Variants in ST7 observed in about 807,000 individuals in gnomAD.
The protein encoded by ST7 is suppressor of tumorigenicity 7 protein.
Under a neutral mutation model 78.7 loss-of-function variants are expected in ST7, and 28 were observed. The observed-to-expected ratio is 0.36, with a 90% CI of 0.26 to 0.49. ST7 has a LOEUF of 0.49. Among genes scored for constraint, ST7 ranks in the 20% least tolerant of loss-of-function variants. The pLI, the probability that ST7 is intolerant of heterozygous loss-of-function variation, is 0.99. For missense variants in ST7, 418 were observed against 696.0 expected, an observed-to-expected ratio of 0.60 and a Z score of 4.49; for synonymous variants, 247 against 249.6, an observed-to-expected ratio of 0.99 and a Z score of 0.10.
At chr7:117,228,763 G>A (rs1793601540) in intron 15 of ST7, among the ~76,000 whole-genome samples, 2 of 152,282 alleles carry the variant, frequency 1.3e-5, no homozygotes, top group African/African-American at 4.8e-5. Context: ...CACACACACT[G>A]CACTACACTT....
chr7:117,071,874 G>A (rs570098578), intron 1 of ST7, among the ~76,000 whole-genome samples: 1 of 152,280 alleles, frequency 6.6e-6, no homozygotes, highest in East Asian at 1.9e-4. Flanking sequence ...TTCCACTTTA[G>A]AGAAACCAGA....
chr7:117,019,125 A>G (rs1285745034), intron 1 of ST7, among the ~76,000 whole-genome samples: 1 of 152,210 alleles, frequency 6.6e-6, no homozygotes, highest in Non-Finnish European at 1.5e-5. Context: ...AACACAAGAA[A>G]TTAATTAGAA....
chr7:117,173,604 T>C (rs1214725307), intron 10 of ST7: 1 of 152,224 alleles, frequency 6.6e-6, no homozygotes, highest in African/African-American at 2.4e-5. Flanking sequence ...AGACAGCTTT[T>C]AGGGCATTCT....
At chr7:116,962,014 T>C (rs942122990) in intron 1 of ST7, among the ~76,000 whole-genome samples, 1 of 150,988 alleles carries the variant, frequency 6.6e-6, no homozygotes, top group African/African-American at 2.4e-5. Flanking sequence ...CAACTCTGAC[T>C]TATGAGTGAG....
intron 1 of ST7, among the ~76,000 whole-genome samples, chr7:116,995,007 A>G (rs556715247): frequency 6.6e-6 from 1 of 152,054 alleles, no homozygotes; most frequent in Non-Finnish European, 1.5e-5. Flanking sequence ...GGTTTAGCCC[A>G]TGGGAGGAAG....
At chr7:116,989,113 C>T (rs971476215) in intron 1 of ST7, among the ~76,000 whole-genome samples, 6 of 152,112 alleles carry the variant, frequency 3.9e-5, no homozygotes, top group African/African-American at 1.4e-4. Context: ...TTTTATATAA[C>T]CCCATATATT....
rs1036477734 is a variant in ST7 at position 117,229,813 on chromosome 7, A to G, written c.1690A>G (p.Ser564Gly). ...PLNFVMEKVESILPSSLWHQL... is the reference protein window; with the variant it reads ...PLNFVMEKVEGILPSSLWHQL... ...AAACTTTGTCATGGAGAAAGTGGAG[A>G]GCATCCTCCCATCCAGTCTGTGGCA... Residue 564 changes from serine (S) to glycine (G), a missense_variant, in exon 16 of 16, where the codon AGC becomes GGC. Ser to Gly is a moderately conservative substitution (Grantham distance 56). Around this residue, in one of 4 missense-constraint regions of ST7, gnomAD observed 288 missense variants for 537.1 expected, o/e 0.54. Coordinates refer to ENST00000323984, the MANE Select transcript of ST7 (RefSeq NM_001369598.1). The G allele has an allele frequency of 5.6e-6, 9 of 1,613,946 alleles. No homozygotes were observed. The highest frequency in any genetic ancestry group is 7.6e-6 in the Non-Finnish European group (9 of 1,179,994).
Position 117,130,134 on chromosome 7 carries a change from G to A in ST7, c.449+287G>A, listed in dbSNP as rs1804226764. Among the ~76,000 whole-genome samples, 3 of 151,950 alleles carry A rather than the reference G, an allele frequency of 2.0e-5. No individual in the cohort carries two copies. The South Asian group carries it at 6.2e-4, about 32-fold the overall frequency. ...CATTTTGAAGCTTACCTGGAATATG[G>A]TTATAGAGATGTCGCAGAAGTTATG... On this transcript the variant is annotated intron_variant, in intron 4 of 15. Coordinates refer to ENST00000323984, the MANE Select transcript of ST7 (RefSeq NM_001369598.1).
At chr7:117,080,521 A>G (rs1024513758) in intron 1 of ST7, among the ~76,000 whole-genome samples, 2 of 152,164 alleles carry the variant, frequency 1.3e-5, no homozygotes, top group East Asian at 1.9e-4. Flanking sequence ...TTATAGATAT[A>G]TTTTTGCTGA....
intron 10 of ST7, 70 bp from the exon 11 acceptor site, chr7:117,189,251 A>G (rs1345750077): frequency 2.0e-6 from 2 of 991,264 alleles, no homozygotes; most frequent in East Asian, 2.5e-5. Flanking sequence ...TTAAAATGCT[A>G]GTGTATTGAA....
chr7:117,139,223 G>A (rs1304704943), intron 9 of ST7, among the ~76,000 whole-genome samples: 1 of 152,068 alleles, frequency 6.6e-6, no homozygotes, highest in African/African-American at 2.4e-5. Flanking sequence ...TTTGTTAATA[G>A]GAAATACTTT....
chr7:117,208,735 A>C (rs953374527), intron 12 of ST7, among the ~76,000 whole-genome samples: 2 of 152,182 alleles, frequency 1.3e-5, no homozygotes, highest in African/African-American at 4.8e-5. Flanking sequence ...GGACAGAAAA[A>C]TACATAGGCA....
rs548793652 is a variant in ST7, at chr7:117,023,798, G to T, written c.151+70107G>T. 1.1e-4 allele frequency among the ~76,000 whole-genome samples: 16 copies of T among 150,718 alleles called. No individual in the cohort carries two copies. The East Asian group carries it at 2.5e-3, about 24-fold the overall frequency. On this transcript the variant is annotated intron_variant, in intron 1 of 15. Transcript: ENST00000323984. ...TTGATTATATATATATATATATCGT[G>T]TGTGTGCGTGTGTGTGTGTGTGTGA... is the stretch of plus-strand genomic sequence containing the variant.
intron 1 of ST7, among the ~76,000 whole-genome samples, chr7:117,086,878 A>C (rs1249473577): frequency 6.6e-6 from 1 of 152,226 alleles, no homozygotes; most frequent in Non-Finnish European, 1.5e-5. Flanking sequence ...AGTTATTGGA[A>C]TTGAAAATAA....
intron 14 of ST7, among the ~76,000 whole-genome samples, chr7:117,221,629 A>C (rs952230242): frequency 6.6e-6 from 1 of 152,126 alleles, no homozygotes; most frequent in Non-Finnish European, 1.5e-5. Flanking sequence ...AAAATACTAT[A>C]CATTAGGCAT....
chr7:116,960,278 C>T (rs987955642), intron 1 of ST7, among the ~76,000 whole-genome samples: 6 of 152,104 alleles, frequency 3.9e-5, no homozygotes, highest in African/African-American at 4.8e-5. Flanking sequence ...CAACCTCTGC[C>T]TCCTGGGTTC....
intron 1 of ST7, among the ~76,000 whole-genome samples, chr7:117,067,604 G>T (rs1241904092): frequency 6.6e-6 from 1 of 152,138 alleles, no homozygotes; most frequent in Non-Finnish European, 1.5e-5. Flanking sequence ...GATGGTTGGG[G>T]TTGGGGAATT....
chr7:117,025,718 T>TA (rs1796152835), intron 1 of ST7, among the ~76,000 whole-genome samples: 1 of 152,218 alleles, frequency 6.6e-6, no homozygotes, highest in Non-Finnish European at 1.5e-5. Flanking sequence ...AAAACTCATG[T>TA]AATGTATTTG....
At chr7:117,214,185 A>T (rs557932625) in intron 13 of ST7, among the ~76,000 whole-genome samples, 10 of 152,254 alleles carry the variant, frequency 6.6e-5, no homozygotes, top group Non-Finnish European at 1.2e-4. Flanking sequence ...TTCTAGTTCT[A>T]TATATCAGGA....
Sources: allele counts gnomAD v4.1 joint callset (sites outside exome capture counted in the v4.1 genomes callset), GRCh38; gene constraint gnomAD v4.1.1; regional missense constraint gnomAD v4.1.1; transcripts MANE v1.5; gene names NCBI Gene and HGNC (gene_info 2026-07-23, HGNC 2026-07-21).